TCEANC2: variants seen among roughly 807,000 people sequenced by gnomAD.
TCEANC2 encodes the protein transcription elongation factor A N-terminal and central domain containing 2.
TCEANC2 carries 20 observed loss-of-function variants against 22.8 expected under a neutral mutation model. The observed-to-expected ratio is 0.88, with a 90% CI of 0.62 to 1.28. The LOEUF is 1.28. Ranked by LOEUF, TCEANC2 falls within the 50% of genes most tolerant of loss-of-function variation. The pLI, the probability that TCEANC2 is intolerant of heterozygous loss-of-function variation, is 0.00. For synonymous variants in TCEANC2, 84 were observed against 95.5 expected, an observed-to-expected ratio of 0.88 and a Z score of 0.70; for missense variants, 251 against 249.7, an observed-to-expected ratio of 1.01 and a Z score of -0.03.
intron 3 of TCEANC2, among the ~76,000 whole-genome samples, chr1:54,083,938 C>T (rs187583142): frequency 6.6e-6 from 1 of 151,966 alleles, no homozygotes; most frequent in African/African-American, 2.4e-5. Context: ...GCTCTGAGAC[C>T]TGCTTTTTTC....
At chr1:54,068,969 C>A in intron 3 of TCEANC2, 72 bp downstream of exon 3, 1 of 1,373,652 alleles carries the variant, frequency 7.3e-7, no homozygotes, top group Non-Finnish European at 9.5e-7. Context: ...CTTCCTCTCT[C>A]CTTCAAACAT....
intron 3 of TCEANC2, among the ~76,000 whole-genome samples, chr1:54,085,510 T>C (rs1658323876): frequency 6.6e-6 from 1 of 152,214 alleles, no homozygotes; most frequent in South Asian, 2.1e-4. Context: ...CATTTTCTTT[T>C]TTGGTGTTGG....
chr1:54,067,122 A>C (rs1229510651), intron 2 of TCEANC2, among the ~76,000 whole-genome samples: 1 of 152,250 alleles, frequency 6.6e-6, no homozygotes, highest in Non-Finnish European at 1.5e-5. Context: ...GTCTCTGCCT[A>C]GGAAAGTCTA....
intron 1 of TCEANC2, 83 bp from the exon 2 acceptor site, chr1:54,054,298 A>G: frequency 6.8e-7 from 1 of 1,479,670 alleles, no homozygotes; most frequent in Non-Finnish European, 9.0e-7. Flanking sequence ...ATTCTTCCAG[A>G]GAACTCAATT....
rs887209516 is a variant in TCEANC2 at position 54,101,353 on chromosome 1, T to G, written c.*4880T>G. ...TGGTATCAAAGGAAAGATGGTTTGA[T>G]TGGATGACATTGTATTTTCTTTAAA... is the stretch of plus-strand genomic sequence containing the variant. On this transcript the variant is annotated 3_prime_UTR_variant, in exon 5 of 5. Transcript: ENST00000234827. The G allele has an allele frequency of 6.6e-6, 1 of 152,200 alleles. No individual in the cohort carries two copies. Among genetic ancestry groups the G allele is most frequent in the Non-Finnish European group, 1.5e-5 (1 of 68,032 alleles). The allele number at this position is 152,200 out of a possible 1,614,324, so 9.4% of individuals were successfully genotyped here.
intron 2 of TCEANC2, among the ~76,000 whole-genome samples, chr1:54,066,710 C>T (rs781349690): frequency 8.5e-5 from 13 of 152,182 alleles, no homozygotes; most frequent in Non-Finnish European, 1.2e-4. Flanking sequence ...CAATAAAATA[C>T]ATTGGTAAAA....
intron 3 of TCEANC2, among the ~76,000 whole-genome samples, chr1:54,070,900 T>A (rs1471957274): frequency 6.6e-6 from 1 of 152,200 alleles, no homozygotes; most frequent in Non-Finnish European, 1.5e-5. Context: ...CAAGACTTCA[T>A]CATACAATGT....
chr1:54,078,574 T>A (rs1045125384), intron 3 of TCEANC2, among the ~76,000 whole-genome samples: 2 of 152,172 alleles, frequency 1.3e-5, no homozygotes, highest in African/African-American at 4.8e-5. Flanking sequence ...TGAGTTAATG[T>A]CCCTAGAGTT....
Position 54,099,568 on chromosome 1 carries a change from AC to A in TCEANC2, c.*3098del, listed in dbSNP as rs1302226044. On this transcript the variant is annotated 3_prime_UTR_variant, in exon 5 of 5. Transcript: ENST00000234827. ...AAACCAGCCTGGCCAACATGGCGAA[AC>A]CCTGTCTGTACTAAAAATACAAAAA... 2 of 151,844 alleles carry A rather than the reference AC, an allele frequency of 1.3e-5. No individual in the cohort carries two copies. Among genetic ancestry groups the A allele is most frequent in the Non-Finnish European group, 2.9e-5 (2 of 67,988 alleles). The allele number at this position is 151,844 out of a possible 1,614,324, so 9.4% of individuals were successfully genotyped here. A position where few individuals can be genotyped will look rare whatever the true frequency, so the allele number is the denominator to read the frequency against.
chr1:54,068,397 C>A (rs190108815), intron 2 of TCEANC2, among the ~76,000 whole-genome samples: 1 of 152,180 alleles, frequency 6.6e-6, no homozygotes, highest in African/African-American at 2.4e-5. Context: ...CTTCCCTGCT[C>A]GCTGTTCTTG....
At chr1:54,067,598 A>G (rs1439004128) in intron 2 of TCEANC2, among the ~76,000 whole-genome samples, 1 of 152,146 alleles carries the variant, frequency 6.6e-6, no homozygotes, top group Non-Finnish European at 1.5e-5. Flanking sequence ...AGGGTCAGAA[A>G]CCAAACCAAA....
At chr1:54,081,542 A>G (rs1658245405) in intron 3 of TCEANC2, among the ~76,000 whole-genome samples, 1 of 152,160 alleles carries the variant, frequency 6.6e-6, no homozygotes, top group Admixed American at 6.5e-5. Context: ...CACCATGCGC[A>G]GCCTGTCATT....
At position 54,074,014 on chromosome 1, in the gene TCEANC2, G is replaced by T. The variant is rs186730863; in HGVS notation, c.244+5117G>T. On this transcript the variant is annotated intron_variant, in intron 3 of 4. Transcript: ENST00000234827. ...ATAGGGAACAGCAGGTTTGGAGGTG[G>T]AGGGAATAATAAGTTCCATTTTAGA... is the stretch of plus-strand genomic sequence containing the variant. Among the ~76,000 whole-genome samples, 3 of 152,302 alleles carry T rather than the reference G, an allele frequency of 2.0e-5. No homozygotes were observed. The East Asian group carries it at 5.8e-4, about 29-fold the overall frequency.
chr1:54,069,023 A>G (rs918994633), intron 3 of TCEANC2, 126 bp downstream of exon 3: 1 of 1,073,078 alleles, frequency 9.3e-7, no homozygotes, highest in Non-Finnish European at 1.2e-6. Flanking sequence ...CTGGTAAAGG[A>G]CTGTTGTTTA....
chr1:54,106,044 G>A lies in TCEANC2; in HGVS notation c.*9571G>A, dbSNP rs568626956. On this transcript the variant is annotated 3_prime_UTR_variant, in exon 5 of 5. Coordinates refer to ENST00000234827, the MANE Select transcript of TCEANC2 (RefSeq NM_153035.3). The stretch of plus-strand genomic sequence containing the variant: ...AGCTGTGGACAGTATGTAAATGAAT[G>A]AATGTGGCTGTGTTCCAATAAAACT... 1 of 152,204 alleles carries A rather than the reference G, an allele frequency of 6.6e-6. No individual in the cohort carries two copies. Among genetic ancestry groups the A allele is most frequent in the Non-Finnish European group, 1.5e-5 (1 of 68,038 alleles). 9.4% of individuals were successfully genotyped at this position (152,204 alleles called of 1,614,324 possible). A position where few individuals can be genotyped will look rare whatever the true frequency, so the allele number is the denominator to read the frequency against.
intron 2 of TCEANC2, 24 bp downstream of exon 2, chr1:54,054,548 G>A: frequency 6.2e-7 from 1 of 1,602,792 alleles, no homozygotes; most frequent in South Asian, 1.1e-5. Context: ...TGGGGCTAGA[G>A]GAAATGTGCA....
intron 3 of TCEANC2, among the ~76,000 whole-genome samples, chr1:54,072,750 T>G (rs1429988366): frequency 2.0e-5 from 3 of 152,140 alleles, no homozygotes. Context: ...CAAAATGTTT[T>G]TTATAAATTT....
At chr1:54,083,852 G>A (rs1175123318) in intron 3 of TCEANC2, among the ~76,000 whole-genome samples, 1 of 151,822 alleles carries the variant, frequency 6.6e-6, no homozygotes, top group Non-Finnish European at 1.5e-5. Context: ...TTTTTTCTTT[G>A]CATATAAACA....
At chr1:54,075,198 C>T (rs368572155) in intron 3 of TCEANC2, among the ~76,000 whole-genome samples, 51 of 152,308 alleles carry the variant, frequency 3.3e-4, no homozygotes, top group South Asian at 1.2e-3. Flanking sequence ...GTTTGTAAGG[C>T]GCCCACATTC....
Sources: gnomAD v4.1 joint callset for allele counts (sites outside exome capture counted in the v4.1 genomes callset) on GRCh38, gnomAD v4.1.1 for gene constraint, MANE v1.5 for transcripts, NCBI Gene and HGNC (gene_info 2026-07-23, HGNC 2026-07-21) for gene names.